The following CLOCK variants were observed in gnomAD, a reference collection of about 807,000 sequenced individuals.
The protein encoded by CLOCK is clock circadian regulator, also known as circadian locomoter output cycles protein kaput.
Under a neutral mutation model 118.4 loss-of-function variants are expected in CLOCK, and 43 were observed. The ratio of observed to expected loss-of-function variants is 0.36; its 90% CI spans 0.28 to 0.47. CLOCK has a LOEUF of 0.47. CLOCK is among the 20% of genes least tolerant of loss of function. The pLI is 1.00. For missense variants in CLOCK, 846 were observed against 999.9 expected (o/e 0.85, Z 2.08); for synonymous variants, 326 against 339.2 (o/e 0.96, Z 0.43).
In CLOCK at chr4:55,448,867, G is replaced by A. The variant is rs758785474; in HGVS notation, c.1451C>T (p.Ser484Phe). Residue 484 changes from serine (S) to phenylalanine (F), a missense_variant and splice_region_variant, in exon 18 of 23, where the codon TCC becomes TTC. By Grantham distance (155) the Ser-to-Phe change is radical. Around this residue, in one of 4 missense-constraint regions of CLOCK, gnomAD observed 520 missense variants for 558.0 expected, o/e 0.93. Transcript: ENST00000513440. ...VQRRSSFSSQ[S>F]INSQSVGSSL... ...TGAACCAACAGACTGGGAATTTATG[G>A]ACTAGAGCAAAATAAAAAATAACAC... 6.2e-7 allele frequency: 1 copy of A among 1,611,562 alleles called. No homozygotes were observed. The highest frequency in any genetic ancestry group is 1.1e-5 in the South Asian group (1 of 90,996).
chr4:55,514,606 A>C (rs1522107), intron 1 of CLOCK, among the ~76,000 whole-genome samples: 1 of 151,144 alleles, frequency 6.6e-6, no homozygotes. Flanking sequence ...GTTTTTTTTT[A>C]AATCATGAAT....
intron 1 of CLOCK, among the ~76,000 whole-genome samples, chr4:55,529,907 C>T (rs1006509966): frequency 3.9e-5 from 6 of 152,054 alleles, no homozygotes; most frequent in Admixed American, 1.3e-4. Context: ...TATAAACATT[C>T]GCAGGTCAGA....
At chr4:55,506,857 G>A (rs901449607) in intron 2 of CLOCK, among the ~76,000 whole-genome samples, 14 of 152,162 alleles carry the variant, frequency 9.2e-5, no homozygotes, top group African/African-American at 2.6e-4. Flanking sequence ...CACCACGCCC[G>A]GTCTATAGTA....
At chr4:55,452,327 G>C (rs1050704769) in intron 15 of CLOCK, 23 of 152,196 alleles carry the variant, frequency 1.5e-4, no homozygotes, top group African/African-American at 5.3e-4. Context: ...CAGCCAGCAA[G>C]AAACCAAGGC....
At chr4:55,436,462 C>G (rs1387939495) in intron 22 of CLOCK, among the ~76,000 whole-genome samples, 1 of 152,016 alleles carries the variant, frequency 6.6e-6, no homozygotes, top group African/African-American at 2.4e-5. Context: ...CTCTCAGATA[C>G]AAAAAAATGT....
intron 7 of CLOCK, among the ~76,000 whole-genome samples, chr4:55,473,744 GT>G (rs1023756116): frequency 3.9e-5 from 6 of 151,984 alleles, no homozygotes; most frequent in Admixed American, 3.9e-4. Context: ...AATAGTATGT[GT>G]TCACTTTGTG....
chr4:55,502,289 A>C (rs1205467178), intron 2 of CLOCK, among the ~76,000 whole-genome samples: 1 of 152,236 alleles, frequency 6.6e-6, no homozygotes, highest in East Asian at 1.9e-4. Context: ...CTGAAGAACA[A>C]ATTAGAGGAT....
chr4:55,540,318 T>C (rs555882625), intron 1 of CLOCK, among the ~76,000 whole-genome samples: 2 of 150,718 alleles, frequency 1.3e-5, no homozygotes, highest in African/African-American at 4.9e-5. Flanking sequence ...TAAAATGTAA[T>C]CTATGCTTTC....
At chr4:55,450,007 G>C in intron 16 of CLOCK, 84 bp downstream of exon 16, 1 of 1,490,204 alleles carries the variant, frequency 6.7e-7, no homozygotes, top group East Asian at 2.3e-5. Flanking sequence ...TTAAAGAAGC[G>C]TTTGATGAGA....
At chr4:55,501,898 C>T (rs1728469759) in intron 2 of CLOCK, among the ~76,000 whole-genome samples, 1 of 152,160 alleles carries the variant, frequency 6.6e-6, no homozygotes, top group Non-Finnish European at 1.5e-5. Flanking sequence ...TGAAGCAAAT[C>T]CCAAGTACTG....
intron 15 of CLOCK, among the ~76,000 whole-genome samples, chr4:55,452,001 T>C (rs777609773): frequency 7.2e-5 from 11 of 152,200 alleles, no homozygotes; most frequent in Non-Finnish European, 1.0e-4. Flanking sequence ...AAGTTTTATA[T>C]AGATTTTTGA....
rs754949658 is a variant in CLOCK, at chr4:55,482,792, C to G, written c.-7G>C. On this transcript the variant is annotated 5_prime_UTR_variant, in exon 4 of 23. Coordinates refer to ENST00000513440, the MANE Select transcript of CLOCK (RefSeq NM_004898.4). ...AGCTTACGGTAAACAACATAACATACTACGTTTTCGTCTTGTAGTAGACAT... is the reference window on the plus strand; with the variant it reads ...AGCTTACGGTAAACAACATAACATAGTACGTTTTCGTCTTGTAGTAGACAT... 6.2e-7 allele frequency: 1 copy of G among 1,607,246 alleles called. No individual in the cohort carries two copies. Among genetic ancestry groups the G allele is most frequent in the South Asian group, 1.1e-5 (1 of 89,814 alleles).
chr4:55,513,896 G>A (rs1247028491), intron 1 of CLOCK, among the ~76,000 whole-genome samples: 1 of 151,946 alleles, frequency 6.6e-6, no homozygotes, highest in Non-Finnish European at 1.5e-5. Flanking sequence ...TAATGGTATT[G>A]TGTTTTTAAT....
At position 55,435,378 on chromosome 4, in the gene CLOCK, C is replaced by T; in HGVS notation, c.*37G>A. On this transcript the variant is annotated 3_prime_UTR_variant, in exon 23 of 23. Coordinates refer to ENST00000513440, the MANE Select transcript of CLOCK (RefSeq NM_004898.4). Reference sequence around the variant, plus strand: ...CTGAGTAACTCTTAATGGGCCATCCCCTTCCTCCCTTGATGTCAAGAGAGG... The same window carrying T: ...CTGAGTAACTCTTAATGGGCCATCCTCTTCCTCCCTTGATGTCAAGAGAGG... The T allele has an allele frequency of 6.2e-7, 1 of 1,611,834 alleles. No homozygotes were observed.
chr4:55,450,329 T>C, intron 15 of CLOCK, 97 bp from the exon 16 acceptor site: 1 of 1,477,766 alleles, frequency 6.8e-7, no homozygotes, highest in Non-Finnish European at 9.4e-7. Context: ...TCAGTTTTTG[T>C]CTATAACAAG....
intron 2 of CLOCK, among the ~76,000 whole-genome samples, chr4:55,496,428 A>G (rs569641921): frequency 6.6e-6 from 1 of 152,324 alleles, no homozygotes; most frequent in South Asian, 2.1e-4. Context: ...ACCTTCTATG[A>G]GAAATGCTTC....
intron 9 of CLOCK, among the ~76,000 whole-genome samples, chr4:55,461,542 G>A (rs1339555411): frequency 6.6e-6 from 1 of 152,198 alleles, no homozygotes; most frequent in Non-Finnish European, 1.5e-5. Flanking sequence ...ATCTCTGGTT[G>A]TGTTTAACTG....
At chr4:55,439,344 T>C (rs1363910878) in intron 21 of CLOCK, among the ~76,000 whole-genome samples, 1 of 152,060 alleles carries the variant, frequency 6.6e-6, no homozygotes, top group Non-Finnish European at 1.5e-5. Flanking sequence ...ATGGCTATTA[T>C]AAAAAACAAA....
At chr4:55,527,945 C>T (rs1472622823) in intron 1 of CLOCK, among the ~76,000 whole-genome samples, 1 of 151,768 alleles carries the variant, frequency 6.6e-6, no homozygotes, top group Admixed American at 6.6e-5. Context: ...TTTTGGAAGA[C>T]CACTTTAGCC....
Sources: allele counts gnomAD v4.1 joint callset (sites outside exome capture counted in the v4.1 genomes callset), GRCh38; gene constraint gnomAD v4.1.1; regional missense constraint gnomAD v4.1.1; transcripts MANE v1.5; gene names NCBI Gene and HGNC (gene_info 2026-07-23, HGNC 2026-07-21).